The following ITSN2 variants were observed in gnomAD, a reference collection of about 807,000 sequenced individuals.
ITSN2 encodes the protein intersectin 2.
In ITSN2, 156 loss-of-function variants were observed where a neutral mutation model predicts 243.7. The ratio of observed to expected loss-of-function variants is 0.64; its 90% CI spans 0.56 to 0.73. The LOEUF is 0.73. Among genes scored for constraint, ITSN2 ranks in the 30% least tolerant of loss-of-function variants. ITSN2 has a pLI of 0.00. For missense variants in ITSN2, 1,801 were observed against 1,996.1 expected (o/e 0.90, Z 1.86); for synonymous variants, 703 against 699.9 (o/e 1.00, Z -0.07).
chr2:24,325,528 T>TAAAAAAAAAAAA, intron 2 of ITSN2, among the ~76,000 whole-genome samples: 1 of 151,506 alleles, frequency 6.6e-6, no homozygotes, highest in African/African-American at 2.5e-5. Context: ...CAGAACCCTT[T>TAAAAAAAAAAAA]GAAAAGGCAA....
At chr2:24,350,935 T>C (rs1021197137) in intron 1 of ITSN2, among the ~76,000 whole-genome samples, 4 of 152,206 alleles carry the variant, frequency 2.6e-5, no homozygotes, top group Admixed American at 6.5e-5. Context: ...GTGATACTGG[T>C]TGCACAAGTC....
chr2:24,264,439 G>T (rs1033822459), intron 20 of ITSN2, among the ~76,000 whole-genome samples: 2 of 143,382 alleles, frequency 1.4e-5, no homozygotes, highest in African/African-American at 5.2e-5. Flanking sequence ...GATTGTCATA[G>T]CTAAGAAACT....
At chr2:24,235,019 T>TA (rs1157109577) in intron 29 of ITSN2, among the ~76,000 whole-genome samples, 3 of 152,182 alleles carry the variant, frequency 2.0e-5, no homozygotes, top group Non-Finnish European at 4.4e-5. Context: ...AATGAAAACT[T>TA]ATGTCCACAA....
intron 29 of ITSN2, among the ~76,000 whole-genome samples, chr2:24,224,882 G>A (rs905835173): frequency 1.3e-5 from 2 of 152,258 alleles, no homozygotes; most frequent in Admixed American, 1.3e-4. Flanking sequence ...TGCCCATCTC[G>A]GCCTCTCGAA....
chr2:24,332,399 C>T (rs1685895073), intron 1 of ITSN2, among the ~76,000 whole-genome samples: 1 of 151,716 alleles, frequency 6.6e-6, no homozygotes, highest in Non-Finnish European at 1.5e-5. Context: ...TCAGTAATCA[C>T]AGGCATAATT....
In ITSN2 at chr2:24,203,568, T is replaced by C; in HGVS notation, c.*58A>G. The C allele has an allele frequency of 1.3e-6, 2 of 1,551,604 alleles. No homozygotes were observed. The highest frequency in any genetic ancestry group is 1.2e-5 in the South Asian group (1 of 84,964). On this transcript the variant is annotated 3_prime_UTR_variant, in exon 40 of 40. Transcript: ENST00000355123. The stretch of plus-strand genomic sequence containing the variant: ...CCCTCAGCCCCAAGAGAGCGCAGTC[T>C]CTCATTCTCCAGCCCCAGCCTTGTG...
intron 32 of ITSN2, 34 bp downstream of exon 32, chr2:24,216,015 G>A (rs1669922602): frequency 6.6e-7 from 1 of 1,512,506 alleles, no homozygotes; most frequent in South Asian, 1.3e-5. Context: ...AGCCTCAGAA[G>A]GAGCCTGACC....
At chr2:24,324,533 A>C (rs975273711) in intron 2 of ITSN2, among the ~76,000 whole-genome samples, 1 of 152,064 alleles carries the variant, frequency 6.6e-6, no homozygotes, top group Non-Finnish European at 1.5e-5. Flanking sequence ...CTTCATATTC[A>C]TTCATTCAGT....
chr2:24,271,793 C>A lies in ITSN2; in HGVS notation c.2230G>T (p.Asp744Tyr), dbSNP rs372166348. The A allele has an allele frequency of 1.9e-6, 3 of 1,600,562 alleles. No individual in the cohort carries two copies. The African/African-American group carries it at 4.1e-5, about 22-fold the overall frequency. The change falls in exon 19 of 40, where the codon GAT (aspartate) becomes TAT (tyrosine). Residue 744 changes from aspartate to tyrosine, a missense_variant. Coordinates refer to ENST00000355123, the MANE Select transcript of ITSN2 (RefSeq NM_006277.3). ...TTTTTCTCCTCAGCTTTCAAAGTAT[C>A]CTTATCCTTACGTTGTTTCTCCTCA... ...KAEEKQRKDKDTLKAEEKKRE... is the reference protein window; with the variant it reads ...KAEEKQRKDKYTLKAEEKKRE...
chr2:24,291,261 C>T (rs1680207531), intron 15 of ITSN2, among the ~76,000 whole-genome samples: 1 of 152,064 alleles, frequency 6.6e-6, no homozygotes, highest in African/African-American at 2.4e-5. Context: ...TTCCGAGTAG[C>T]TGAGACCACA....
chr2:24,220,877 C>A (rs1260547061), intron 30 of ITSN2, 68 bp downstream of exon 30: 1 of 1,521,226 alleles, frequency 6.6e-7, no homozygotes, highest in Non-Finnish European at 8.8e-7. Flanking sequence ...AGCCCTGAGT[C>A]TGATGCCCAC....
rs1668653629 is a variant in ITSN2 at position 24,204,622 on chromosome 2, G to T, written c.4763-204C>A. The stretch of plus-strand genomic sequence containing the variant: ...AGTGCTGACAGCAGCATTAACTGGG[G>T]AGTGGCCGAGAGCTCCACCGCCAGG... On this transcript the variant is annotated intron_variant, in intron 38 of 39. Transcript: ENST00000355123. This position sits in a 1 kb window ranked among gnomAD's most constrained non-coding sequence, Gnocchi z 5.1. 1 of 659,058 alleles carries T rather than the reference G, an allele frequency of 1.5e-6. No individual in the cohort carries two copies. The highest frequency in any genetic ancestry group is 1.8e-5 in the African/African-American group (1 of 56,318). The allele number at this position is 659,058 out of a possible 1,614,324, so 40.8% of individuals were successfully genotyped here.
intron 20 of ITSN2, among the ~76,000 whole-genome samples, chr2:24,263,907 A>G (rs1676246077): frequency 6.6e-6 from 1 of 152,206 alleles, no homozygotes; most frequent in Non-Finnish European, 1.5e-5. Context: ...TCTCTTGTGT[A>G]AATACCTAAG....
At chr2:24,209,561 A>G (rs1669268680) in intron 35 of ITSN2, among the ~76,000 whole-genome samples, 2 of 152,202 alleles carry the variant, frequency 1.3e-5, no homozygotes, top group East Asian at 1.9e-4. Flanking sequence ...GAATGCACAC[A>G]GTGGTGAGCC....
chr2:24,305,107 C>T (rs1186606008), intron 8 of ITSN2, among the ~76,000 whole-genome samples: 1 of 152,082 alleles, frequency 6.6e-6, no homozygotes, highest in Non-Finnish European at 1.5e-5. Flanking sequence ...AAACAAGTAA[C>T]CAAACACCTT....
chr2:24,219,092 TTCC>T (rs958964077), intron 30 of ITSN2, among the ~76,000 whole-genome samples: 12 of 152,244 alleles, frequency 7.9e-5, no homozygotes, highest in Non-Finnish European at 1.6e-4. Context: ...CCACTTCTGT[TTCC>T]TCCTCCTGGA....
Position 24,303,864 on chromosome 2 carries a change from T to C in ITSN2, c.794-2A>G. The stretch of plus-strand genomic sequence containing the variant: ...GAAGGGCATTTCTAGCTTGAAAACC[T>C]GATTAAGTGGGGAAAATCATAAAGG... On this transcript the variant is annotated splice_acceptor_variant, in intron 8 of 39. Transcript: ENST00000355123. LOFTEE classifies it high-confidence loss of function. The C allele has an allele frequency of 1.3e-6, 2 of 1,595,714 alleles. No individual in the cohort carries two copies. Among genetic ancestry groups the C allele is most frequent in the Non-Finnish European group, 1.7e-6 (2 of 1,163,240 alleles).
rs1292376819 is a variant in ITSN2 at position 24,261,186 on chromosome 2, T to G, written c.2602A>C (p.Thr868Pro). 3.1e-6 allele frequency: 5 copies of G among 1,613,264 alleles called. No homozygotes were observed. In the Admixed American group the frequency reaches 8.3e-5, roughly 27 times the overall value. The change falls in exon 22 of 40, where the codon ACT becomes CCT. Residue 868 changes from threonine (T) to proline (P), a missense_variant. Physicochemically the swap from Thr to Pro is conservative, Grantham distance 38. Transcript: ENST00000355123. ...TTTTTCTGCCATGATGTATTTACAG[T>G]TAGGTTTGAAAAAGATACATTTTGA... ...DYQNVSFSNL[T>P]VNTSWQKKSA...
At position 24,204,577 on chromosome 2, in the gene ITSN2, A is replaced by C. The variant is rs775190583; in HGVS notation, c.4763-159T>G. 1 of 713,346 alleles carries C rather than the reference A, an allele frequency of 1.4e-6. No individual in the cohort carries two copies. Among genetic ancestry groups the C allele is most frequent in the South Asian group, 1.5e-5 (1 of 68,000 alleles). The allele number at this position is 713,346 out of a possible 1,614,324, so 44.2% of individuals were successfully genotyped here. On this transcript the variant is annotated intron_variant, in intron 38 of 39. Coordinates refer to ENST00000355123, the MANE Select transcript of ITSN2 (RefSeq NM_006277.3). This position sits in a 1 kb window ranked among gnomAD's most constrained non-coding sequence, Gnocchi z 5.1. ...GGGCACCATATCCCTGTGGTCTAGT[A>C]ACAGGGTCTCCAAGTTCCCAGTGCT...
Sources: gnomAD v4.1 joint callset for allele counts (sites outside exome capture counted in the v4.1 genomes callset) on GRCh38, gnomAD v4.1.1 for gene constraint, Gnocchi (gnomAD v3.1) non-coding constraint, MANE v1.5 for transcripts, NCBI Gene and HGNC (gene_info 2026-07-23, HGNC 2026-07-21) for gene names.